Variants in RPH3A observed in about 807,000 individuals in gnomAD.
RPH3A encodes the protein rabphilin 3A, also known as rabphilin-3A.
In RPH3A, 48 loss-of-function variants were observed where a neutral mutation model predicts 102.2. The ratio of observed to expected loss-of-function variants is 0.47; its 90% CI spans 0.37 to 0.60. The LOEUF is 0.60. Ranked by LOEUF, RPH3A falls within the 20% of genes least tolerant of loss-of-function variation. The pLI, the probability that RPH3A is intolerant of heterozygous loss-of-function variation, is 0.00. For synonymous variants in RPH3A, 310 were observed against 324.3 expected, an observed-to-expected ratio of 0.96 and a Z score of 0.47; for missense variants, 781 against 910.1, an observed-to-expected ratio of 0.86 and a Z score of 1.83.
rs557580540 is a variant in RPH3A at position 112,581,063 on chromosome 12, G to T, written c.-140+5744G>T. Among the ~76,000 whole-genome samples the T allele has an allele frequency of 2.0e-5, 3 of 152,302 alleles. No homozygotes were observed. In the South Asian group the frequency reaches 6.2e-4, roughly 32 times the overall value. On this transcript the variant is annotated intron_variant, in intron 1 of 21. Coordinates refer to the RPH3A transcript ENST00000543106. Reference sequence around the variant, plus strand: ...ATTAGAAGGCAAAAATTGTTCCTTGGTTACTTCCTGCAAGTTTTCTTACCT... The same window carrying T: ...ATTAGAAGGCAAAAATTGTTCCTTGTTTACTTCCTGCAAGTTTTCTTACCT...
At chr12:112,607,341 A>G (rs980060740) in intron 1 of RPH3A, among the ~76,000 whole-genome samples, 1 of 152,248 alleles carries the variant, frequency 6.6e-6, no homozygotes, top group Non-Finnish European at 1.5e-5. Context: ...ATAATTTTAG[A>G]TAATAGTTGC....
At chr12:112,808,252 C>G (rs375648521) in intron 2 of RPH3A, among the ~76,000 whole-genome samples, 20 of 152,276 alleles carry the variant, frequency 1.3e-4, no homozygotes, top group African/African-American at 4.8e-4. Context: ...TGGAGAAGAA[C>G]GTGAAGGTCT....
At chr12:112,660,522 A>C (rs2136002685) in intron 1 of RPH3A, among the ~76,000 whole-genome samples, 1 of 152,250 alleles carries the variant, frequency 6.6e-6, no homozygotes, top group South Asian at 2.1e-4. Context: ...AGGAAAAGCT[A>C]TAAAAACTAT....
intron 1 of RPH3A, among the ~76,000 whole-genome samples, chr12:112,605,951 T>C (rs2039593428): frequency 6.6e-6 from 1 of 152,186 alleles, no homozygotes; most frequent in Non-Finnish European, 1.5e-5. Flanking sequence ...TCTTCCTAAC[T>C]CTCCAAGGTC....
chr12:112,852,431 T>G (rs938438112), intron 5 of RPH3A, among the ~76,000 whole-genome samples: 1 of 152,196 alleles, frequency 6.6e-6, no homozygotes, highest in African/African-American at 2.4e-5. Context: ...AAGAGAAATT[T>G]GATATAAGGG....
rs1566255438 is a variant in RPH3A at position 112,678,328 on chromosome 12, A to AAG, written c.-140+103009_-140+103010insAG. ...AAGAGAGAGAGAGAGAAAGAAAGAA[A>AAG]GAAGGAAGGAAGGAAGGAAGGAAGG... On this transcript the variant is annotated intron_variant, in intron 1 of 21. Coordinates refer to the RPH3A transcript ENST00000543106. Among the ~76,000 whole-genome samples the AAG allele has an allele frequency of 1.4e-3, 70 of 49,836 alleles. 15 individuals carry two copies. Among genetic ancestry groups the AAG allele is most frequent in the African/African-American group, 3.9e-3 (64 of 16,594 alleles). 32.7% of individuals were successfully genotyped at this position (49,836 alleles called of 152,430 possible).
At chr12:112,646,102 G>A (rs2039927989) in intron 1 of RPH3A, among the ~76,000 whole-genome samples, 1 of 152,118 alleles carries the variant, frequency 6.6e-6, no homozygotes, top group Admixed American at 6.5e-5. Flanking sequence ...CATGTGCTAT[G>A]GGCATATAGT....
chr12:112,626,502 C>G (rs1409423619), intron 1 of RPH3A, among the ~76,000 whole-genome samples: 1 of 117,418 alleles, frequency 8.5e-6, no homozygotes, highest in East Asian at 2.8e-4. Context: ...ATCAAAACCA[C>G]TATGAGATAT....
At chr12:112,816,051 G>A (rs780919307) in intron 2 of RPH3A, among the ~76,000 whole-genome samples, 2 of 152,248 alleles carry the variant, frequency 1.3e-5, no homozygotes, top group East Asian at 3.9e-4. Flanking sequence ...AAAAGTTTTG[G>A]GTTCCCCTAT....
intron 2 of RPH3A, among the ~76,000 whole-genome samples, chr12:112,807,033 G>A (rs1477297611): frequency 6.6e-6 from 1 of 152,214 alleles, no homozygotes; most frequent in South Asian, 2.1e-4. Flanking sequence ...TAGCAGTGCA[G>A]GATCTGAAAG....
At chr12:112,790,842 A>G (rs957614244), upstream of RPH3A, among the ~76,000 whole-genome samples, 1 of 152,204 alleles carries the variant, frequency 6.6e-6, no homozygotes. Context: ...GGCACATGCC[A>G]TCCTAGCTGG....
chr12:112,727,091 G>T (rs891821139), intron 1 of RPH3A, among the ~76,000 whole-genome samples: 3 of 151,920 alleles, frequency 2.0e-5, no homozygotes, highest in African/African-American at 7.3e-5. Context: ...GCTTTCTCAG[G>T]TAAGGTGACA....
Position 112,762,634 on chromosome 12 carries a change from T to C in RPH3A, c.-139-29509T>C, listed in dbSNP as rs1454502175. Among the ~76,000 whole-genome samples, 4 of 152,228 alleles carry C rather than the reference T, an allele frequency of 2.6e-5. No individual in the cohort carries two copies. In the East Asian group the frequency reaches 7.7e-4, roughly 29 times the overall value. Reference sequence around the variant, plus strand: ...AATCTAGTGTTACTGGCCTCAGATATGGCTGGATCCAGGGACTCATATTAT... The same window carrying C: ...AATCTAGTGTTACTGGCCTCAGATACGGCTGGATCCAGGGACTCATATTAT... On this transcript the variant is annotated intron_variant, in intron 1 of 21. Transcript: ENST00000543106.
At chr12:112,709,490 A>G (rs1290281068) in intron 1 of RPH3A, among the ~76,000 whole-genome samples, 3 of 151,858 alleles carry the variant, frequency 2.0e-5, no homozygotes, top group Non-Finnish European at 1.5e-5. Context: ...TTCAAGGTTG[A>G]AGTGAGCCAT....
chr12:112,693,003 C>T (rs1006621577), intron 1 of RPH3A, among the ~76,000 whole-genome samples: 5 of 152,172 alleles, frequency 3.3e-5, no homozygotes, highest in African/African-American at 7.2e-5. Flanking sequence ...TTGGAAATGA[C>T]AAGACCCGGG....
At chr12:112,582,756 G>T (rs574650842) in intron 1 of RPH3A, among the ~76,000 whole-genome samples, 1 of 151,786 alleles carries the variant, frequency 6.6e-6, no homozygotes, top group Admixed American at 6.6e-5. Context: ...GCCTGGCCAC[G>T]AACAACATTT....
intron 1 of RPH3A, among the ~76,000 whole-genome samples, chr12:112,776,318 A>T (rs1011156417): frequency 3.3e-5 from 5 of 152,208 alleles, no homozygotes; most frequent in African/African-American, 9.6e-5. Flanking sequence ...ACCCCCCCAT[A>T]GCTTATAACA....
At chr12:112,799,004 C>T (rs2041289036) in intron 2 of RPH3A, among the ~76,000 whole-genome samples, 1 of 152,078 alleles carries the variant, frequency 6.6e-6, no homozygotes, top group South Asian at 2.1e-4. Context: ...CATGAGACTC[C>T]AGGTGATGAG....
chr12:112,677,094 G>A lies in RPH3A; in HGVS notation c.-140+101775G>A, dbSNP rs75058401. On this transcript the variant is annotated intron_variant, in intron 1 of 21. Transcript: ENST00000543106. ...TGTAAAAAGATAGTTCCTCTCTGGT[G>A]AAGAGCCCAAGAAGTTGAGCAACTG... Among the ~76,000 whole-genome samples, 66 of 152,252 alleles carry A rather than the reference G, an allele frequency of 4.3e-4. No individual in the cohort carries two copies. The East Asian group carries it at 0.01, about 23-fold the overall frequency.
Sources: gnomAD v4.1 joint callset for allele counts (sites outside exome capture counted in the v4.1 genomes callset) on GRCh38, gnomAD v4.1.1 for gene constraint, MANE v1.5 for transcripts, NCBI Gene and HGNC (gene_info 2026-07-23, HGNC 2026-07-21) for gene names.